BMP7: variants seen among roughly 807,000 people sequenced by gnomAD.
The protein encoded by BMP7 is osteogenic protein 1.
In BMP7, 12 loss-of-function variants were observed where a neutral mutation model predicts 41.2. The observed-to-expected ratio is 0.29, with a 90% CI of 0.19 to 0.47. BMP7 has a LOEUF of 0.47. BMP7 is among the 20% of genes least tolerant of loss of function. The pLI is 0.99. For missense variants in BMP7, 467 were observed against 606.0 expected (o/e 0.77, Z 2.41); for synonymous variants, 248 against 250.0 (o/e 0.99, Z 0.07).
chr20:57,173,407 G>A, intron 5 of BMP7, 97 bp from the exon 6 acceptor site: 6 of 1,193,078 alleles, frequency 5.0e-6, no homozygotes, highest in African/African-American at 1.5e-5. Context: ...CCAGGCTCAC[G>A]ACCCAAGGTG....
At position 57,228,206 on chromosome 20, in the gene BMP7, C is replaced by G; in HGVS notation, c.611+23G>C. 6.2e-7 allele frequency: 1 copy of G among 1,611,672 alleles called. No homozygotes were observed. The highest frequency in any genetic ancestry group is 8.5e-7 in the Non-Finnish European group (1 of 1,179,196). ...CCCCAGAGGAAACTCAGCACCTCTC[C>G]CAGATACCCGTATAGCACCCACCTG... On this transcript the variant is annotated intron_variant, in intron 2 of 6. Transcript: ENST00000395863. The surrounding 1 kb of genome is among the most constrained non-coding windows in gnomAD (Gnocchi z 4.5).
At chr20:57,223,233 A>AAAGG (rs112742238) in intron 2 of BMP7, among the ~76,000 whole-genome samples, 1 of 148,236 alleles carries the variant, frequency 6.7e-6, no homozygotes, top group Non-Finnish European at 1.5e-5. Context: ...CCATCTCAAA[A>AAAGG]AAAAAAAAAA....
intron 3 of BMP7, among the ~76,000 whole-genome samples, chr20:57,199,302 C>T (rs1232822083): frequency 3.3e-5 from 5 of 152,176 alleles, no homozygotes; most frequent in African/African-American, 4.8e-5. Flanking sequence ...AAACAGGCTG[C>T]CCTAGGCACC....
rs534513243 is a variant in BMP7, at chr20:57,202,939, G to A, written c.612-316C>T. Among the ~76,000 whole-genome samples the A allele has an allele frequency of 4.6e-5, 7 of 152,292 alleles. No individual in the cohort carries two copies. The East Asian group carries it at 9.6e-4, about 21-fold the overall frequency. Reference sequence around the variant, plus strand: ...GGAAGACAGGGATTATGCAGCCTCCGTGTTGCTGGAAGAGTCTCAGAGAGC... The same window carrying A: ...GGAAGACAGGGATTATGCAGCCTCCATGTTGCTGGAAGAGTCTCAGAGAGC... On this transcript the variant is annotated intron_variant, in intron 2 of 6. Coordinates refer to ENST00000395863, the MANE Select transcript of BMP7 (RefSeq NM_001719.3).
chr20:57,195,629 G>A (rs1984473334), intron 3 of BMP7, among the ~76,000 whole-genome samples: 1 of 152,274 alleles, frequency 6.6e-6, no homozygotes, highest in South Asian at 2.1e-4. Context: ...CCTTGGCTTT[G>A]TGGGGCTTAG....
In BMP7 at chr20:57,202,588, A is replaced by G; in HGVS notation, c.647T>C (p.Leu216Pro). Residue 216 changes from leucine (L) to proline (P), a missense_variant, in exon 3 of 7, where the codon CTC (leucine) becomes CCC (proline). Transcript: ENST00000395863. ...SDLFLLDSRTLWASEEGWLVF... is the reference protein window; with the variant it reads ...SDLFLLDSRTPWASEEGWLVF... ...CAGCCAGCCCTCCTCCGAGGCCCAG[A>G]GGGTACGGCTGTCGAGCAGGAAGAG... The G allele has an allele frequency of 1.2e-6, 2 of 1,612,488 alleles. No homozygotes were observed. The highest frequency in any genetic ancestry group is 1.7e-6 in the Non-Finnish European group (2 of 1,180,008).
At chr20:57,189,631 A>G (rs1043883664) in intron 3 of BMP7, among the ~76,000 whole-genome samples, 1 of 152,198 alleles carries the variant, frequency 6.6e-6, no homozygotes, top group Non-Finnish European at 1.5e-5. Flanking sequence ...TGAAACACAC[A>G]CTGACCTTCT....
rs1162658739 is a variant in BMP7, at chr20:57,259,177, C to T, written c.418+6528G>A. On this transcript the variant is annotated intron_variant, in intron 1 of 6. Coordinates refer to ENST00000395863, the MANE Select transcript of BMP7 (RefSeq NM_001719.3). This position sits in a 1 kb window ranked among gnomAD's most constrained non-coding sequence, Gnocchi z 4.7. ...GCCAAGTCACACCCACTGCTGTCAC[C>T]GAGAACTTCCGTTACACGGCAGTGA... Among the ~76,000 whole-genome samples, 3 of 152,166 alleles carry T rather than the reference C, an allele frequency of 2.0e-5. No homozygotes were observed. The highest frequency in any genetic ancestry group is 6.5e-5 in the Admixed American group (1 of 15,280).
chr20:57,213,249 T>C lies in BMP7; in HGVS notation c.612-10626A>G, dbSNP rs1287059234. On this transcript the variant is annotated intron_variant, in intron 2 of 6. Transcript: ENST00000395863. This position sits in a 1 kb window ranked among gnomAD's most constrained non-coding sequence, Gnocchi z 4.4. Reference sequence around the variant, plus strand: ...CCCGTCCAGCACCCGGAGGCCAGCGTTGTCACAGTCAGAAGGCGAGTCAGT... The same window carrying C: ...CCCGTCCAGCACCCGGAGGCCAGCGCTGTCACAGTCAGAAGGCGAGTCAGT... 6.6e-6 allele frequency among the ~76,000 whole-genome samples: 1 copy of C among 152,170 alleles called. No homozygotes were observed. The highest frequency in any genetic ancestry group is 6.5e-5 in the Admixed American group (1 of 15,274).
At chr20:57,249,086 C>T (rs2066101639) in intron 1 of BMP7, among the ~76,000 whole-genome samples, 1 of 152,066 alleles carries the variant, frequency 6.6e-6, no homozygotes, top group Non-Finnish European at 1.5e-5. Context: ...CAGGCATGAG[C>T]CACCACGCCC....
chr20:57,190,436 TGAGGCTGGAGAGCGTGAGTGAGGAGCCC>T, intron 3 of BMP7, among the ~76,000 whole-genome samples: 1 of 110,438 alleles, frequency 9.1e-6, no homozygotes, highest in African/African-American at 3.2e-5. Flanking sequence ...CCCGAGGGGG[TGAGGCTGGAGAGCGTGAGTGAGGAGCCC>T]GAGGGGGTGA....
chr20:57,202,953 G>A (rs918115223), intron 2 of BMP7, among the ~76,000 whole-genome samples: 8 of 152,172 alleles, frequency 5.3e-5, no homozygotes, highest in African/African-American at 1.7e-4. Context: ...TGCTGGAAGA[G>A]TCTCAGAGAG....
chr20:57,177,401 A>G (rs1983954753), intron 4 of BMP7, among the ~76,000 whole-genome samples: 1 of 151,918 alleles, frequency 6.6e-6, no homozygotes, highest in Non-Finnish European at 1.5e-5. Flanking sequence ...AGGCTGGAGT[A>G]CAGTGGTGCA....
chr20:57,173,188 C>T lies in BMP7; in HGVS notation c.1146+12G>A, dbSNP rs759493546. The stretch of plus-strand genomic sequence containing the variant: ...CCCAGGTGACCACACCCCAAGATGG[C>T]GTGACACCCACCAGCGTCTGCACGA... On this transcript the variant is annotated intron_variant, in intron 6 of 6. Coordinates refer to ENST00000395863, the MANE Select transcript of BMP7 (RefSeq NM_001719.3). The T allele has an allele frequency of 1.2e-5, 20 of 1,612,048 alleles. No individual in the cohort carries two copies. The highest frequency in any genetic ancestry group is 1.6e-5 in the Non-Finnish European group (19 of 1,178,270).
At chr20:57,188,371 C>T (rs927458418) in intron 3 of BMP7, among the ~76,000 whole-genome samples, 1 of 152,128 alleles carries the variant, frequency 6.6e-6, no homozygotes, top group African/African-American at 2.4e-5. Flanking sequence ...TTGAATGATC[C>T]TATTTCTATG....
chr20:57,211,891 C>T (rs920019649), intron 2 of BMP7, among the ~76,000 whole-genome samples: 5 of 152,226 alleles, frequency 3.3e-5, no homozygotes, highest in African/African-American at 1.2e-4. Flanking sequence ...ACCTCCCAAA[C>T]TCTAAGAGAA....
intron 3 of BMP7, among the ~76,000 whole-genome samples, chr20:57,191,825 T>C (rs1984365717): frequency 7.1e-6 from 1 of 141,322 alleles, no homozygotes; most frequent in African/African-American, 2.6e-5. Flanking sequence ...TGTTTTTATA[T>C]ATTATACATA....
At chr20:57,202,417 C>A in intron 3 of BMP7, 58 bp downstream of exon 3, 1 of 1,584,578 alleles carries the variant, frequency 6.3e-7, no homozygotes, top group Middle Eastern at 2.0e-4. Context: ...CTGCTGAGAC[C>A]CTCCTGAAGT....
At chr20:57,206,328 G>A (rs915945452) in intron 2 of BMP7, among the ~76,000 whole-genome samples, 2 of 152,050 alleles carry the variant, frequency 1.3e-5, no homozygotes, top group African/African-American at 4.8e-5. Context: ...GAATCTCCCC[G>A]CCAGCCCTAT....
Sources: gnomAD v4.1 joint callset for allele counts (sites outside exome capture counted in the v4.1 genomes callset) on GRCh38, gnomAD v4.1.1 for gene constraint, Gnocchi (gnomAD v3.1) non-coding constraint, MANE v1.5 for transcripts, NCBI Gene and HGNC (gene_info 2026-07-23, HGNC 2026-07-21) for gene names.